The following ZC3H12B variants were observed in gnomAD, a reference collection of about 807,000 sequenced individuals.
ZC3H12B encodes probable ribonuclease ZC3H12B.
Under a neutral mutation model 43.9 loss-of-function variants are expected in ZC3H12B, and 7 were observed. That is an observed-to-expected ratio of 0.16 (90% CI 0.09 to 0.30). The LOEUF (loss-of-function observed/expected upper bound fraction) is 0.30, where lower values mean the gene tolerates loss of function less well. Among genes scored for constraint, ZC3H12B ranks in the 10% least tolerant of loss-of-function variants. The pLI, the probability that ZC3H12B is intolerant of heterozygous loss-of-function variation, is 1.00. For missense variants in ZC3H12B, 475 were observed against 670.2 expected, an observed-to-expected ratio of 0.71 and a Z score of 3.22; for synonymous variants, 222 against 241.7, an observed-to-expected ratio of 0.92 and a Z score of 0.76.
At chrX:65,051,372 T>C in the ZC3H12B span, among the ~76,000 whole-genome samples, 5 of 111,751 alleles carry the variant, frequency 4.5e-5, no homozygotes, top group Non-Finnish European at 7.5e-5. Context: ...CCTTTCCTTC[T>C]GCTCACTTTA....
At chrX:65,152,021 A>C in the ZC3H12B span, among the ~76,000 whole-genome samples, 4 of 112,074 alleles carry the variant, frequency 3.6e-5, no homozygotes, top group African/African-American at 3.2e-5. Flanking sequence ...GCCTTTGACA[A>C]AATTCAACAG....
At chrX:65,396,800 G>A (rs1031446594) in intron 2 of ZC3H12B, among the ~76,000 whole-genome samples, 5 of 110,087 alleles carry the variant, frequency 4.5e-5, no homozygotes, top group Non-Finnish European at 9.5e-5. Context: ...TTTACAGTGG[G>A]GTGTTAAAGT....
chrX:65,483,397 T>C (rs1324748533), intron 3 of ZC3H12B, among the ~76,000 whole-genome samples: 1 of 112,077 alleles, frequency 8.9e-6, no homozygotes, highest in Non-Finnish European at 1.9e-5. Context: ...AAGATTTGAA[T>C]TTTTGATTTT....
the ZC3H12B span, chrX:65,328,488 C>A: frequency 1.6e-5 from 4 of 245,780 alleles, no homozygotes; most frequent in South Asian, 2.2e-4. Context: ...TTTACTTTAT[C>A]TTCAACTCTG....
At chrX:65,388,507 CT>C (rs2066563444) in intron 2 of ZC3H12B, among the ~76,000 whole-genome samples, 1 of 111,777 alleles carries the variant, frequency 8.9e-6, no homozygotes, top group South Asian at 3.7e-4. Context: ...CCTTTAAGGA[CT>C]TCTCTGCATT....
chrX:65,385,990 G>A (rs1413438673), intron 2 of ZC3H12B, among the ~76,000 whole-genome samples: 4 of 112,223 alleles, frequency 3.6e-5, no homozygotes, highest in Non-Finnish European at 7.5e-5. Context: ...TCCCAGGGAT[G>A]AAGCCCACTT....
chrX:65,203,899 C>T, the ZC3H12B span, among the ~76,000 whole-genome samples: 1 of 112,025 alleles, frequency 8.9e-6, no homozygotes, highest in South Asian at 3.8e-4. Flanking sequence ...CTTTCCTGAA[C>T]TGAGGTTCCA....
the ZC3H12B span, among the ~76,000 whole-genome samples, chrX:65,355,161 C>G: frequency 9.0e-6 from 1 of 111,111 alleles, no homozygotes; most frequent in African/African-American, 3.3e-5. Context: ...ACATGATCGT[C>G]AGATTCACCA....
chrX:65,368,123 G>A (rs1361536499), intron 1 of ZC3H12B, among the ~76,000 whole-genome samples: 2 of 112,145 alleles, frequency 1.8e-5, no homozygotes, highest in African/African-American at 6.5e-5. Flanking sequence ...TAATTTTAAT[G>A]TTCTCAAAAT....
the ZC3H12B span, among the ~76,000 whole-genome samples, chrX:65,048,939 T>C: frequency 8.9e-6 from 1 of 111,886 alleles, no homozygotes; most frequent in Non-Finnish European, 1.9e-5. Flanking sequence ...ATGTTGAGCA[T>C]CTTTTCATAT....
the ZC3H12B span, among the ~76,000 whole-genome samples, chrX:65,116,626 T>A: frequency 6.3e-5 from 7 of 110,533 alleles, no homozygotes; most frequent in African/African-American, 2.3e-4. Flanking sequence ...GCAGGTTTGT[T>A]ACATGTGTAT....
At chrX:65,434,289 T>C (rs1299410915) in intron 3 of ZC3H12B, among the ~76,000 whole-genome samples, 1 of 112,177 alleles carries the variant, frequency 8.9e-6, no homozygotes, top group Non-Finnish European at 1.9e-5. Flanking sequence ...ATATATGTTT[T>C]CTGGACCCTC....
the ZC3H12B span, among the ~76,000 whole-genome samples, chrX:65,269,601 G>C: frequency 9.1e-6 from 1 of 110,482 alleles, no homozygotes; most frequent in Non-Finnish European, 1.9e-5. Flanking sequence ...CTGGCCACAA[G>C]CAAGCCTCCT....
chrX:65,399,532 C>A (rs2066739472), intron 3 of ZC3H12B, among the ~76,000 whole-genome samples: 1 of 111,635 alleles, frequency 9.0e-6, no homozygotes, highest in Non-Finnish European at 1.9e-5. Flanking sequence ...CAGGCAATAA[C>A]AAATGCTGGC....
At chrX:65,195,107 A>T in the ZC3H12B span, among the ~76,000 whole-genome samples, 27 of 106,286 alleles carry the variant, frequency 2.5e-4, no homozygotes, top group Non-Finnish European at 4.3e-4. Flanking sequence ...TTTTTTTTTT[A>T]ATGCATTCAG....
At chrX:65,345,091 G>C in the ZC3H12B span, among the ~76,000 whole-genome samples, 93 of 112,377 alleles carry the variant, frequency 8.3e-4, no homozygotes, top group Middle Eastern at 0.019. Context: ...CAAGTGTACT[G>C]TTAGTGATAG....
At chrX:65,141,175 T>C in the ZC3H12B span, among the ~76,000 whole-genome samples, 1 of 110,862 alleles carries the variant, frequency 9.0e-6, no homozygotes, top group African/African-American at 3.3e-5. Flanking sequence ...CCTTTTAATG[T>C]AGGCATTAAT....
the ZC3H12B span, among the ~76,000 whole-genome samples, chrX:65,181,105 T>C: frequency 9.0e-6 from 1 of 111,312 alleles, no homozygotes; most frequent in Non-Finnish European, 1.9e-5. Context: ...ACCACACATC[T>C]ACAATGATTT....
At chrX:65,422,945 T>G (rs2067037159) in intron 3 of ZC3H12B, among the ~76,000 whole-genome samples, 1 of 92,318 alleles carries the variant, frequency 1.1e-5, no homozygotes, top group South Asian at 5.8e-4. Flanking sequence ...TTTTTTTTTT[T>G]TTTTTGAGAT....
Sources: allele counts gnomAD v4.1 joint callset (sites outside exome capture counted in the v4.1 genomes callset), GRCh38; gene constraint gnomAD v4.1.1; transcripts MANE v1.5; gene names NCBI Gene and HGNC (gene_info 2026-07-23, HGNC 2026-07-21).